Variants in NEK11 observed in about 807,000 individuals in gnomAD.
NEK11 encodes NIMA related kinase 11.
In NEK11, 72 loss-of-function variants were observed where a neutral mutation model predicts 80.7. The ratio of observed to expected loss-of-function variants is 0.89; its 90% confidence interval spans 0.74 to 1.08. The LOEUF is 1.08. Ranked by LOEUF, NEK11 falls within the 50% of genes least tolerant of loss-of-function variation. The pLI, the probability that NEK11 is intolerant of heterozygous loss-of-function variation, is 0.00. For missense variants in NEK11, 764 were observed against 763.6 expected (o/e 1.00, Z -0.01); for synonymous variants, 251 against 260.7 (o/e 0.96, Z 0.36).
In NEK11 at chr3:131,106,485, A is replaced by G. The variant is rs569559169; in HGVS notation, c.337-3318A>G. On this transcript the variant is annotated intron_variant, in intron 4 of 17. Transcript: ENST00000383366. ...TTTTCTTGCTGACAAGCTATGTCACATAGAGATAACATGAACTTATTTTAC... is the reference window on the plus strand; with the variant it reads ...TTTTCTTGCTGACAAGCTATGTCACGTAGAGATAACATGAACTTATTTTAC... 9.2e-5 allele frequency among the ~76,000 whole-genome samples: 14 copies of G among 152,270 alleles called. 1 individual carries two copies. Among genetic ancestry groups the G allele is most frequent in the South Asian group, 8.3e-4 (4 of 4,830 alleles).
intron 14 of NEK11, among the ~76,000 whole-genome samples, chr3:131,205,269 T>A (rs2150432820): frequency 6.6e-6 from 1 of 152,270 alleles, no homozygotes; most frequent in South Asian, 2.1e-4. Context: ...TGGTCCAAAG[T>A]GTTGACAGCC....
chr3:131,245,275 T>C (rs1214972858), intron 16 of NEK11, among the ~76,000 whole-genome samples: 1 of 150,550 alleles, frequency 6.6e-6, no homozygotes, highest in African/African-American at 2.5e-5. Flanking sequence ...GATTTTATTC[T>C]TTTTTTGTGG....
chr3:131,213,951 G>T (rs1203168435), intron 14 of NEK11, among the ~76,000 whole-genome samples: 2 of 152,202 alleles, frequency 1.3e-5, no homozygotes, highest in Non-Finnish European at 2.9e-5. Context: ...TCCGTTGTAA[G>T]TAGAGACATG....
intron 17 of NEK11, among the ~76,000 whole-genome samples, chr3:131,298,866 T>C (rs948988243): frequency 6.6e-6 from 1 of 152,196 alleles, no homozygotes; most frequent in African/African-American, 2.4e-5. Context: ...CTCCTTCTAG[T>C]ATTTTTCATG....
At position 131,161,276 on chromosome 3, in the gene NEK11, G is replaced by A. The variant is rs541499392; in HGVS notation, c.963-1132G>A. Among the ~76,000 whole-genome samples the A allele has an allele frequency of 2.2e-4, 33 of 152,192 alleles. No homozygotes were observed. The South Asian group carries it at 5.4e-3, about 25-fold the overall frequency. The stretch of plus-strand genomic sequence containing the variant: ...CAACCATTGTGGAAAACAGTGTGGC[G>A]ATTCCTTAAAGACCTAAAAATAGAA... On this transcript the variant is annotated intron_variant, in intron 10 of 17. Transcript: ENST00000383366.
chr3:131,211,933 T>C (rs2094633966), intron 14 of NEK11, among the ~76,000 whole-genome samples: 2 of 152,200 alleles, frequency 1.3e-5, no homozygotes, highest in African/African-American at 4.8e-5. Context: ...TGGAGAAGTT[T>C]CTTATTACCG....
chr3:131,107,767 G>A (rs767194359), intron 4 of NEK11, among the ~76,000 whole-genome samples: 3 of 151,992 alleles, frequency 2.0e-5, no homozygotes, highest in African/African-American at 7.2e-5. Context: ...GCAGACCTAC[G>A]CAGTTCAAAC....
At chr3:131,261,234 G>A (rs2095913575) in intron 16 of NEK11, among the ~76,000 whole-genome samples, 1 of 152,168 alleles carries the variant, frequency 6.6e-6, no homozygotes, top group South Asian at 2.1e-4. Flanking sequence ...GCACTTTTAG[G>A]AAACACAGCA....
chr3:131,151,864 G>A (rs2089704511), intron 7 of NEK11, among the ~76,000 whole-genome samples: 1 of 152,056 alleles, frequency 6.6e-6, no homozygotes, highest in Non-Finnish European at 1.5e-5. Context: ...TGGGCTTCAA[G>A]TAGCTGCTCT....
chr3:131,169,031 G>T lies in NEK11; in HGVS notation c.1284+94G>T, dbSNP rs182068788. On this transcript the variant is annotated intron_variant, in intron 13 of 17. Coordinates refer to ENST00000383366, the MANE Select transcript of NEK11 (RefSeq NM_024800.5). ...AAGAAAATGGGAAGCCGAACACTTT[G>T]CAGAGGAGCCTGAAGGGTTTTAAAT... The T allele has an allele frequency of 4.6e-5, 40 of 870,796 alleles. No individual in the cohort carries two copies. The African/African-American group carries it at 6.3e-4, about 14-fold the overall frequency. The allele number at this position is 870,796 out of a possible 1,614,324, so 53.9% of individuals were successfully genotyped here. A position where few individuals can be genotyped will look rare whatever the true frequency, so the allele number is the denominator to read the frequency against.
chr3:131,165,294 G>A, intron 11 of NEK11, 132 bp from the exon 12 acceptor site: 1 of 623,074 alleles, frequency 1.6e-6, no homozygotes, highest in African/African-American at 1.8e-5. Flanking sequence ...CCTTGATGAG[G>A]AAGAGACCTG....
At chr3:131,316,121 A>C (rs1460723384) in intron 17 of NEK11, among the ~76,000 whole-genome samples, 2 of 152,204 alleles carry the variant, frequency 1.3e-5, no homozygotes, top group Non-Finnish European at 2.9e-5. Context: ...CATATGATTC[A>C]AACAGCCTAA....
At chr3:131,268,355 G>T (rs1420915930) in intron 16 of NEK11, among the ~76,000 whole-genome samples, 2 of 152,130 alleles carry the variant, frequency 1.3e-5, no homozygotes, top group African/African-American at 2.4e-5. Flanking sequence ...GAGGCATTCT[G>T]ATTTTTGAAA....
At chr3:131,292,076 C>T (rs942848133) in intron 17 of NEK11, among the ~76,000 whole-genome samples, 3 of 152,162 alleles carry the variant, frequency 2.0e-5, no homozygotes, top group Admixed American at 6.5e-5. Context: ...GTCTATGATC[C>T]ATTTTGAGAT....
At chr3:131,064,131 C>T (rs1300999476) in intron 3 of NEK11, among the ~76,000 whole-genome samples, 1 of 152,052 alleles carries the variant, frequency 6.6e-6, no homozygotes, top group East Asian at 1.9e-4. Context: ...GCAGGCAAAC[C>T]CACAGAAAGA....
At chr3:131,107,371 T>TA (rs11373881) in intron 4 of NEK11, among the ~76,000 whole-genome samples, 63,871 of 149,030 alleles carry the variant, frequency 0.43, 15,989 homozygotes, top group Middle Eastern at 0.64. Flanking sequence ...AATAATAAAA[T>TA]AAAAAAAAAA....
intron 16 of NEK11, among the ~76,000 whole-genome samples, chr3:131,246,866 T>C (rs912610340): frequency 1.3e-5 from 2 of 152,118 alleles, no homozygotes; most frequent in Admixed American, 6.6e-5. Context: ...TGATACTTAG[T>C]GATGTTGAGC....
chr3:131,060,921 A>C (rs1022504184), intron 3 of NEK11, among the ~76,000 whole-genome samples: 1 of 152,162 alleles, frequency 6.6e-6, no homozygotes, highest in African/African-American at 2.4e-5. Flanking sequence ...AGTAGTTTTT[A>C]ATGTGCTTAT....
At chr3:131,054,699 G>T (rs959459932) in intron 3 of NEK11, 13 of 151,938 alleles carry the variant, frequency 8.6e-5, no homozygotes, top group African/African-American at 3.1e-4. Flanking sequence ...AGAGGTTGCA[G>T]TGAGCCTAGA....
Sources: allele counts gnomAD v4.1 joint callset (sites outside exome capture counted in the v4.1 genomes callset), GRCh38; gene constraint gnomAD v4.1.1; transcripts MANE v1.5; gene names NCBI Gene and HGNC (gene_info 2026-07-23, HGNC 2026-07-21).